The following CIT variants were observed in gnomAD, a reference collection of about 807,000 sequenced individuals.
CIT encodes citron Rho-interacting kinase.
In CIT, 79 loss-of-function variants were observed where a neutral mutation model predicts 272.7. That is an observed-to-expected ratio of 0.29 (90% CI 0.24 to 0.35). CIT has a LOEUF of 0.35. Among genes scored for constraint, CIT ranks in the 10% least tolerant of loss-of-function variants. The probability of loss-of-function intolerance (pLI) is 1.00; values close to 1 mark genes in which losing one functional copy is unlikely to be tolerated. For synonymous variants in CIT, 948 were observed against 995.6 expected (o/e 0.95, Z 0.90); for missense variants, 1,909 against 2,618.3 (o/e 0.73, Z 5.91).
intron 10 of CIT, among the ~76,000 whole-genome samples, chr12:119,790,637 G>A (rs541297705): frequency 6.6e-6 from 1 of 152,258 alleles, no homozygotes; most frequent in Non-Finnish European, 1.5e-5. Context: ...AAAGCCCTGT[G>A]ATCCCCATGA....
rs966867537 is a variant in CIT, at chr12:119,857,406, T to G, written c.414+117A>C. ...CCTTTTTGCCCCAACTATAATTAAATATAGAGTCACAGAGGAAAACGTGCT... is the reference window on the plus strand; with the variant it reads ...CCTTTTTGCCCCAACTATAATTAAAGATAGAGTCACAGAGGAAAACGTGCT... On this transcript the variant is annotated intron_variant, in intron 4 of 47. Coordinates refer to ENST00000392521, the MANE Select transcript of CIT (RefSeq NM_001206999.2). 5.9e-6 allele frequency: 6 copies of G among 1,014,914 alleles called. No homozygotes were observed. In the African/African-American group the frequency reaches 9.6e-5, roughly 16 times the overall value. The allele number at this position is 1,014,914 out of a possible 1,614,324, so 62.9% of individuals were successfully genotyped here. A position where few individuals can be genotyped will look rare whatever the true frequency, so the allele number is the denominator to read the frequency against.
chr12:119,786,130 G>A (rs1254297259), intron 10 of CIT, among the ~76,000 whole-genome samples: 1 of 151,858 alleles, frequency 6.6e-6, no homozygotes, highest in Non-Finnish European at 1.5e-5. Context: ...GAGCAGATAC[G>A]ATTTATTATC....
chr12:119,861,558 A>C (rs1476616252), intron 3 of CIT, among the ~76,000 whole-genome samples: 1 of 151,788 alleles, frequency 6.6e-6, no homozygotes, highest in Non-Finnish European at 1.5e-5. Flanking sequence ...TTGCACTCCA[A>C]CCTGGGCAAC....
At position 119,706,852 on chromosome 12, in the gene CIT, G is replaced by GGACCTAA. The variant is rs568081933; in HGVS notation, c.5211+1326_5211+1327insTTAGGTC. On this transcript the variant is annotated intron_variant, in intron 40 of 47. Transcript: ENST00000392521. Reference sequence around the variant, plus strand: ...GGTATTTCCATTTTTAGGTCTTTGAGGATCCCCACACTGTCTTCCACAATG... The same window carrying GGACCTAA: ...GGTATTTCCATTTTTAGGTCTTTGAGGACCTAAGATCCCCACACTGTCTTCCACAATG... Among the ~76,000 whole-genome samples, 16 of 152,310 alleles carry GGACCTAA rather than the reference G, an allele frequency of 1.1e-4. 1 individual carries two copies. Among genetic ancestry groups the GGACCTAA allele is most frequent in the African/African-American group, 3.4e-4 (14 of 41,578 alleles).
At chr12:119,729,951 C>A (rs932766569) in intron 27 of CIT, among the ~76,000 whole-genome samples, 3 of 152,212 alleles carry the variant, frequency 2.0e-5, no homozygotes, top group African/African-American at 2.4e-5. Flanking sequence ...TAGCTAAAAT[C>A]TCCAAAACAT....
At position 119,822,807 on chromosome 12, in the gene CIT, C is replaced by T. The variant is rs1249055724; in HGVS notation, c.1111+13G>A. 3 of 1,613,534 alleles carry T rather than the reference C, an allele frequency of 1.9e-6. No homozygotes were observed. The Admixed American group carries it at 5.0e-5, about 27-fold the overall frequency. On this transcript the variant is annotated intron_variant, in intron 9 of 47. Coordinates refer to ENST00000392521, the MANE Select transcript of CIT (RefSeq NM_001206999.2). Reference sequence around the variant, plus strand: ...TCCCAACATCCCAAATTAAGGAAAACAGCCCTACTTACAGTTACGAATGTT... The same window carrying T: ...TCCCAACATCCCAAATTAAGGAAAATAGCCCTACTTACAGTTACGAATGTT...
rs33978151 is a variant in CIT, at chr12:119,805,076, C to CAA, written c.1112-1689_1112-1688dup. On this transcript the variant is annotated intron_variant, in intron 9 of 47. Transcript: ENST00000392521. Reference sequence around the variant, plus strand: ...AATTATCCGGTACCTTTTTTAATAGCAAAAAAAAAAGTTTTAATGGAAATT... The same window carrying CAA: ...AATTATCCGGTACCTTTTTTAATAGCAAAAAAAAAAAAGTTTTAATGGAAATT... Among the ~76,000 whole-genome samples the CAA allele has an allele frequency of 8.2e-3, 1,225 of 150,012 alleles. 17 individuals carry two copies. Among genetic ancestry groups the CAA allele is most frequent in the African/African-American group, 0.028 (1,129 of 40,952 alleles).
rs938784507 is a variant in CIT, at chr12:119,685,932, G to A, written c.*2300C>T. The A allele has an allele frequency of 9.2e-5, 14 of 152,484 alleles. No homozygotes were observed. The highest frequency in any genetic ancestry group is 3.1e-4 in the African/African-American group (13 of 41,398). 9.4% of individuals were successfully genotyped at this position (152,484 alleles called of 1,614,324 possible). A position where few individuals can be genotyped will look rare whatever the true frequency, so the allele number is the denominator to read the frequency against. On this transcript the variant is annotated 3_prime_UTR_variant, in exon 48 of 48. Coordinates refer to ENST00000392521, the MANE Select transcript of CIT (RefSeq NM_001206999.2). Reference sequence around the variant, plus strand: ...TGAAGAAAAAGCCTGTACTTTTGGAGACCTAGAATCTTGATTGATGCTAAT... The same window carrying A: ...TGAAGAAAAAGCCTGTACTTTTGGAAACCTAGAATCTTGATTGATGCTAAT...
At chr12:119,757,326 G>T (rs750060036) in intron 22 of CIT, 45 bp downstream of exon 22, 3 of 1,607,462 alleles carry the variant, frequency 1.9e-6, no homozygotes, top group South Asian at 1.1e-5. Context: ...TTCAGAGCCC[G>T]AATCGCCCAG....
In CIT at chr12:119,718,652, C is replaced by G. The variant is rs1221511216; in HGVS notation, c.4003+47G>C. On this transcript the variant is annotated intron_variant, in intron 31 of 47. Coordinates refer to ENST00000392521, the MANE Select transcript of CIT (RefSeq NM_001206999.2). The surrounding 1 kb of genome is among the most constrained non-coding windows in gnomAD (Gnocchi z 4.8). ...GGCTGATCTCACTGAGATCAATCCTCTGCCTTTTCCACATCCTTGAGCATT... is the reference window on the plus strand; with the variant it reads ...GGCTGATCTCACTGAGATCAATCCTGTGCCTTTTCCACATCCTTGAGCATT... 1 of 1,609,342 alleles carries G rather than the reference C, an allele frequency of 6.2e-7. No individual in the cohort carries two copies. Among genetic ancestry groups the G allele is most frequent in the Admixed American group, 1.7e-5 (1 of 59,908 alleles).
rs1306977200 is a variant in CIT at position 119,832,860 on chromosome 12, T to C, written c.664A>G (p.Ile222Val). The C allele has an allele frequency of 3.1e-6, 5 of 1,613,248 alleles. No individual in the cohort carries two copies. The South Asian group carries it at 3.3e-5, about 11-fold the overall frequency. ...VHLMGYVHRDIKPENILVDRT... is the reference protein window; with the variant it reads ...VHLMGYVHRDVKPENILVDRT... ...TCAACGAGAATGTTCTCAGGCTTGA[T>C]GTCTCTGTAAGAAAATCAGGACCAT... is the stretch of plus-strand genomic sequence containing the variant. The change falls in exon 7 of 48, where the codon ATC becomes GTC. Residue 222 changes from isoleucine to valine, a missense_variant. Transcript: ENST00000392521.
At position 119,690,709 on chromosome 12, in the gene CIT, C is replaced by G. The variant is rs1028233324; in HGVS notation, c.5883-255G>C. 6.6e-6 allele frequency among the ~76,000 whole-genome samples: 1 copy of G among 152,210 alleles called. No homozygotes were observed. The highest frequency in any genetic ancestry group is 2.4e-5 in the African/African-American group (1 of 41,460). On this transcript the variant is annotated intron_variant, in intron 46 of 47. Transcript: ENST00000392521. The surrounding 1 kb of genome is among the most constrained non-coding windows in gnomAD (Gnocchi z 6.0). The stretch of plus-strand genomic sequence containing the variant: ...TACTGAGCACCTACTGTGTGCCAGG[C>G]CTGTGCTAAGTTCTTCATCTGCCAT...
intron 3 of CIT, among the ~76,000 whole-genome samples, chr12:119,858,517 C>CAA (rs796452295): frequency 4.9e-5 from 6 of 122,462 alleles, no homozygotes; most frequent in African/African-American, 9.0e-5. Flanking sequence ...ACTCTGTCTC[C>CAA]AAAAAAAAAA....
At chr12:119,758,297 C>T (rs1961296905) in intron 21 of CIT, among the ~76,000 whole-genome samples, 1 of 152,158 alleles carries the variant, frequency 6.6e-6, no homozygotes, top group African/African-American at 2.4e-5. Flanking sequence ...GGATGCAAGT[C>T]TAGGGAACAA....
At position 119,784,388 on chromosome 12, in the gene CIT, A is replaced by T. The variant is rs561011003; in HGVS notation, c.1402-337T>A. ...CAGACGTCACTTTAATTTTATCCCA[A>T]ATCCATCTTGATCCCCCCCCATCTC... On this transcript the variant is annotated intron_variant, in intron 11 of 47. Transcript: ENST00000392521. The surrounding 1 kb of genome is among the most constrained non-coding windows in gnomAD (Gnocchi z 4.7). 1.0e-5 allele frequency: 13 copies of T among 1,242,530 alleles called. No homozygotes were observed. Among genetic ancestry groups the T allele is most frequent in the Non-Finnish European group, 1.3e-5 (13 of 973,166 alleles). 77.0% of individuals were successfully genotyped at this position (1,242,530 alleles called of 1,614,324 possible).
At chr12:119,780,814 T>A (rs939207924) in intron 13 of CIT, among the ~76,000 whole-genome samples, 2 of 152,292 alleles carry the variant, frequency 1.3e-5, no homozygotes, top group Middle Eastern at 3.4e-3. Flanking sequence ...CTTGTTCCGA[T>A]GAAAAATCAA....
At chr12:119,724,238 T>C (rs904732868) in intron 28 of CIT, among the ~76,000 whole-genome samples, 2 of 152,182 alleles carry the variant, frequency 1.3e-5, no homozygotes, top group Non-Finnish European at 2.9e-5. Flanking sequence ...GCAAGGACTG[T>C]AAGAGTTAAT....
Position 119,718,129 on chromosome 12 carries a change from C to T in CIT, c.4168+116G>A, listed in dbSNP as rs148109235. 12 of 1,241,940 alleles carry T rather than the reference C, an allele frequency of 9.7e-6. No individual in the cohort carries two copies. In the African/African-American group the frequency reaches 1.2e-4, roughly 13 times the overall value. 76.9% of individuals were successfully genotyped at this position (1,241,940 alleles called of 1,614,324 possible). A position where few individuals can be genotyped will look rare whatever the true frequency, so the allele number is the denominator to read the frequency against. On this transcript the variant is annotated intron_variant, in intron 32 of 47. Transcript: ENST00000392521. This position sits in a 1 kb window ranked among gnomAD's most constrained non-coding sequence, Gnocchi z 4.8. ...TGCTGGGGTTACAGGTGTGAGCCAC[C>T]GTGCCTGGCCAAGACTGACTTTTTA... is the stretch of plus-strand genomic sequence containing the variant.
intron 9 of CIT, among the ~76,000 whole-genome samples, chr12:119,810,487 G>A (rs1966830945): frequency 6.6e-6 from 1 of 152,044 alleles, no homozygotes; most frequent in Admixed American, 6.5e-5. Flanking sequence ...ATCATTTAAG[G>A]TCAGGAGTTT....
Sources: allele counts gnomAD v4.1 joint callset (sites outside exome capture counted in the v4.1 genomes callset), GRCh38; gene constraint gnomAD v4.1.1; non-coding constraint Gnocchi (gnomAD v3.1); transcripts MANE v1.5; gene names NCBI Gene and HGNC (gene_info 2026-07-23, HGNC 2026-07-21).